CCDC33: variants seen among roughly 807,000 people sequenced by gnomAD.
The protein encoded by CCDC33 is coiled-coil domain-containing protein 33.
A neutral mutation model predicts 91.9 loss-of-function variants in CCDC33; 94 were observed. That is an observed-to-expected ratio of 1.02 (90% CI 0.87 to 1.21). CCDC33 has a LOEUF of 1.21. CCDC33 is among the 50% of genes most tolerant of loss of function. The probability of loss-of-function intolerance (pLI) is 0.00; values close to 1 mark genes in which losing one functional copy is unlikely to be tolerated. For synonymous variants in CCDC33, 396 were observed against 374.5 expected (o/e 1.06, Z -0.66); for missense variants, 940 against 935.5 (o/e 1.00, Z -0.06).
At chr15:74,330,778 G>C in intron 13 of CCDC33, 27 bp downstream of exon 13, 1 of 1,597,290 alleles carries the variant, frequency 6.3e-7, no homozygotes. Flanking sequence ...GGGGGCAGAG[G>C]GGAGGGAGCT....
Position 74,280,717 on chromosome 15 carries a change from G to T in CCDC33, c.939G>T (p.Val313=). 1 of 1,570,802 alleles carries T rather than the reference G, an allele frequency of 6.4e-7. No individual in the cohort carries two copies. Among genetic ancestry groups the T allele is most frequent in the Non-Finnish European group, 8.6e-7 (1 of 1,157,916 alleles). ...TCAACCAGCCCCTGGGCATCTCTGT[G>T]TTGCCGCTAAAGAGCCGTTTGTACC... is the stretch of plus-strand genomic sequence containing the variant. ...WTLNQPLGIS[V]LPLKSRLYQK... is the part of the protein sequence containing the mutation. Residue 313 remains valine (V), a synonymous_variant, in exon 9 of 19, where the codon GTG becomes GTT. Transcript: ENST00000398814.
At chr15:74,319,028 C>T (rs1292081023) in intron 11 of CCDC33, among the ~76,000 whole-genome samples, 1 of 152,178 alleles carries the variant, frequency 6.6e-6, no homozygotes, top group East Asian at 1.9e-4. Context: ...CCTGGGAAGG[C>T]TTGCTGGTAG....
chr15:74,308,018 A>G (rs927936407), intron 11 of CCDC33, among the ~76,000 whole-genome samples: 1 of 152,080 alleles, frequency 6.6e-6, no homozygotes, highest in African/African-American at 2.4e-5. Context: ...AGGCCCTGGA[A>G]GCAGGGGAGT....
At chr15:74,322,995 G>T (rs1023800397) in intron 11 of CCDC33, among the ~76,000 whole-genome samples, 2 of 152,156 alleles carry the variant, frequency 1.3e-5, no homozygotes, top group African/African-American at 4.8e-5. Context: ...CTCTGGGAGA[G>T]TGAAGCCCCT....
intron 3 of CCDC33, among the ~76,000 whole-genome samples, chr15:74,264,335 G>C (rs1379584256): frequency 2.0e-5 from 3 of 152,208 alleles, no homozygotes; most frequent in Non-Finnish European, 2.9e-5. Context: ...GAAATAGCTT[G>C]TTGGCCACAC....
upstream of CCDC33, among the ~76,000 whole-genome samples, chr15:74,233,163 G>A (rs959707935): frequency 6.6e-6 from 1 of 152,126 alleles, no homozygotes; most frequent in Non-Finnish European, 1.5e-5. Context: ...AGTCCTCCTG[G>A]TCCACAGCAA....
chr15:74,320,744 T>C (rs2060190215), intron 11 of CCDC33, among the ~76,000 whole-genome samples: 1 of 152,128 alleles, frequency 6.6e-6, no homozygotes. Flanking sequence ...CTGCCCTCTG[T>C]GTCTCAGGAG....
At chr15:74,304,763 T>A (rs1025022492) in intron 11 of CCDC33, among the ~76,000 whole-genome samples, 1 of 151,984 alleles carries the variant, frequency 6.6e-6, no homozygotes, top group Admixed American at 6.5e-5. Context: ...GGTGGGCCTG[T>A]CTTCCTGACC....
chr15:74,238,099 G>A (rs2075234271), intron 1 of CCDC33, among the ~76,000 whole-genome samples: 1 of 152,058 alleles, frequency 6.6e-6, no homozygotes, highest in South Asian at 2.1e-4. Context: ...CTGCCCTCCA[G>A]CCTGGGCAAC....
intron 11 of CCDC33, among the ~76,000 whole-genome samples, chr15:74,329,520 A>C (rs1012474649): frequency 6.6e-6 from 1 of 152,206 alleles, no homozygotes; most frequent in African/African-American, 2.4e-5. Flanking sequence ...AAGACCTGGA[A>C]CACAGTGAAT....
intron 2 of CCDC33, among the ~76,000 whole-genome samples, chr15:74,254,909 G>A (rs1428523204): frequency 3.3e-5 from 5 of 151,974 alleles, no homozygotes; most frequent in Non-Finnish European, 7.4e-5. Flanking sequence ...CAACACACCC[G>A]GCTAATTATT....
chr15:74,331,137 G>A (rs768519447), intron 14 of CCDC33, 25 bp downstream of exon 14: 23 of 1,613,390 alleles, frequency 1.4e-5, no homozygotes, highest in Non-Finnish European at 1.8e-5. Context: ...GGCTGCCCCC[G>A]AGGCCAACTG....
chr15:74,244,798 G>A lies in CCDC33; in HGVS notation c.185+650G>A, dbSNP rs975556549. On this transcript the variant is annotated intron_variant, in intron 2 of 18. Coordinates refer to ENST00000398814, the MANE Select transcript of CCDC33 (RefSeq NM_025055.5). This position sits in a 1 kb window ranked among gnomAD's most constrained non-coding sequence, Gnocchi z 4.2. ...CACAATCTCCATCCAGCCAACCTTC[G>A]CTGGGGACACTGAATATTTGCTCAA... Among the ~76,000 whole-genome samples, 5 of 152,158 alleles carry A rather than the reference G, an allele frequency of 3.3e-5. No individual in the cohort carries two copies. Among genetic ancestry groups the A allele is most frequent in the South Asian group, 2.1e-4 (1 of 4,826 alleles).
intron 2 of CCDC33, among the ~76,000 whole-genome samples, chr15:74,247,100 G>C (rs890889306): frequency 6.6e-6 from 1 of 151,450 alleles, no homozygotes; most frequent in African/African-American, 2.4e-5. Context: ...AGCCAAGATT[G>C]CGCCACTGCA....
chr15:74,212,878 C>CT (rs2074381468), upstream of CCDC33: 1 of 152,144 alleles, frequency 6.6e-6, no homozygotes, highest in Non-Finnish European at 1.5e-5. Flanking sequence ...CCTACAAACT[C>CT]TAACTTTCCC....
chr15:74,291,803 G>A (rs2059590075), intron 10 of CCDC33, among the ~76,000 whole-genome samples: 1 of 152,240 alleles, frequency 6.6e-6, no homozygotes, highest in Non-Finnish European at 1.5e-5. Context: ...GGTGACCTAA[G>A]AAGCCTCAAG....
chr15:74,335,095 G>T lies in CCDC33; in HGVS notation c.2139+7G>T, dbSNP rs746380742. 4 of 1,604,114 alleles carry T rather than the reference G, an allele frequency of 2.5e-6. No homozygotes were observed. In the Admixed American group the frequency reaches 5.0e-5, roughly 20 times the overall value. On this transcript the variant is annotated splice_region_variant and intron_variant, in intron 18 of 18. Transcript: ENST00000398814. ...CATCATCATAGAACAGCCTGTGAGT[G>T]ACCCCCCTGGAGTAGCTCCCAGGGG...
chr15:74,324,780 C>T (rs564116541), intron 11 of CCDC33, among the ~76,000 whole-genome samples: 5 of 151,406 alleles, frequency 3.3e-5, no homozygotes, highest in South Asian at 2.1e-4. Flanking sequence ...ACCCCTAACA[C>T]GCTCCTCCCC....
chr15:74,220,965 G>T (rs984798718), intron 2 of CCDC33, among the ~76,000 whole-genome samples: 13 of 152,200 alleles, frequency 8.5e-5, no homozygotes, highest in Admixed American at 2.0e-4. Context: ...CAGCTGGAAG[G>T]ACAGCAGCAA....
Sources: allele counts gnomAD v4.1 joint callset (sites outside exome capture counted in the v4.1 genomes callset), GRCh38; gene constraint gnomAD v4.1.1; non-coding constraint Gnocchi (gnomAD v3.1); transcripts MANE v1.5; gene names NCBI Gene and HGNC (gene_info 2026-07-23, HGNC 2026-07-21).